Variants in AKAP6 observed in about 807,000 individuals in gnomAD.
AKAP6 encodes the protein A-kinase anchor protein 6.
Under a neutral mutation model 188.5 loss-of-function variants are expected in AKAP6, and 58 were observed. That is an observed-to-expected ratio of 0.31 (90% CI 0.25 to 0.38). AKAP6 has a LOEUF of 0.38. AKAP6 is among the 10% of genes least tolerant of loss of function. The pLI, the probability that AKAP6 is intolerant of heterozygous loss-of-function variation, is 1.00. For missense variants in AKAP6, 2,710 were observed against 2,740.0 expected (o/e 0.99, Z 0.24); for synonymous variants, 989 against 998.6 (o/e 0.99, Z 0.18).
chr14:32,624,362 C>T (rs1358757153), intron 7 of AKAP6, among the ~76,000 whole-genome samples: 1 of 152,030 alleles, frequency 6.6e-6, no homozygotes, highest in Non-Finnish European at 1.5e-5. Flanking sequence ...GACCCATTAA[C>T]AGAAAAGAAA....
At chr14:32,738,360 C>T (rs547270317) in intron 11 of AKAP6, among the ~76,000 whole-genome samples, 2 of 152,134 alleles carry the variant, frequency 1.3e-5, no homozygotes, top group Non-Finnish European at 2.9e-5. Flanking sequence ...AAGGCCACAG[C>T]GCTGGCCTGG....
intron 1 of AKAP6, among the ~76,000 whole-genome samples, chr14:32,385,337 A>G (rs1888495487): frequency 6.6e-6 from 1 of 151,926 alleles, no homozygotes; most frequent in Non-Finnish European, 1.5e-5. Context: ...TTTGAACAGA[A>G]GTTCTGTTTT....
rs572495414 is a variant in AKAP6 at position 32,688,994 on chromosome 14, T to G, written c.2880-6996T>G. ...TTTATGAAATGGTGAACTGCCCAAC[T>G]CACACCAGTGTGCCATTAGGTTTGG... On this transcript the variant is annotated intron_variant, in intron 8 of 13. Transcript: ENST00000280979. Among the ~76,000 whole-genome samples the G allele has an allele frequency of 1.4e-4, 21 of 152,264 alleles. No individual in the cohort carries two copies. The East Asian group carries it at 2.9e-3, about 21-fold the overall frequency.
At chr14:32,613,048 G>A (rs1368717969) in intron 7 of AKAP6, among the ~76,000 whole-genome samples, 1 of 152,224 alleles carries the variant, frequency 6.6e-6, no homozygotes, top group African/African-American at 2.4e-5. Context: ...AGTAAATGAT[G>A]AATGAGGTTT....
chr14:32,617,602 C>T (rs1886633812), intron 7 of AKAP6, among the ~76,000 whole-genome samples: 1 of 152,072 alleles, frequency 6.6e-6, no homozygotes, highest in Non-Finnish European at 1.5e-5. Context: ...AAATCAAAAC[C>T]CTTAAATTAC....
intron 1 of AKAP6, among the ~76,000 whole-genome samples, chr14:32,417,035 T>A (rs1227194009): frequency 6.6e-6 from 1 of 152,066 alleles, no homozygotes; most frequent in Non-Finnish European, 1.5e-5. Context: ...AGAGGTGGAG[T>A]TTGACTGTGT....
Position 32,457,032 on chromosome 14 carries a change from T to G in AKAP6, c.324+23215T>G, listed in dbSNP as rs535625444. Among the ~76,000 whole-genome samples the G allele has an allele frequency of 2.0e-4, 31 of 152,324 alleles. No individual in the cohort carries two copies. In the East Asian group the frequency reaches 4.2e-3, roughly 21 times the overall value. On this transcript the variant is annotated intron_variant, in intron 2 of 13. Transcript: ENST00000280979. ...TTTTTTTATTGCCCTCTGTCTGAAA[T>G]TATATCAAATCCACAAGGTAGCTAG... is the stretch of plus-strand genomic sequence containing the variant.
intron 2 of AKAP6, among the ~76,000 whole-genome samples, chr14:32,491,272 A>AT: frequency 6.6e-6 from 1 of 152,126 alleles, no homozygotes; most frequent in Non-Finnish European, 1.5e-5. Flanking sequence ...AATTACGTCT[A>AT]TTTTATCTCC....
intron 7 of AKAP6, among the ~76,000 whole-genome samples, chr14:32,642,260 C>G (rs985571623): frequency 6.6e-6 from 1 of 152,154 alleles, no homozygotes; most frequent in African/African-American, 2.4e-5. Context: ...TTTTGTGTCA[C>G]TTTAGCAATG....
At chr14:32,437,532 C>T (rs1011431303) in intron 2 of AKAP6, among the ~76,000 whole-genome samples, 1 of 152,104 alleles carries the variant, frequency 6.6e-6, no homozygotes, top group African/African-American at 2.4e-5. Flanking sequence ...ATAAGCCATT[C>T]CTGATCCCTC....
intron 7 of AKAP6, among the ~76,000 whole-genome samples, chr14:32,666,596 T>G (rs775441859): frequency 1.1e-3 from 171 of 152,118 alleles, no homozygotes; most frequent in African/African-American, 3.2e-3. Context: ...TAATATCTAG[T>G]GATTATCCAG....
At chr14:32,421,036 T>C (rs1889832160) in intron 1 of AKAP6, among the ~76,000 whole-genome samples, 1 of 152,148 alleles carries the variant, frequency 6.6e-6, no homozygotes, top group Non-Finnish European at 1.5e-5. Flanking sequence ...TTCTTTCTTA[T>C]GTAAAACAAA....
chr14:32,830,972 C>T lies in AKAP6; in HGVS notation c.*1167C>T, dbSNP rs1222865198. On this transcript the variant is annotated 3_prime_UTR_variant, in exon 14 of 14. Transcript: ENST00000280979. ...ACGTAAAGCCTTCAGTTTTCAAAAT[C>T]TTTCTGGTCACTATAAAGATCTTGG... is the stretch of plus-strand genomic sequence containing the variant. 1 of 152,156 alleles carries T rather than the reference C, an allele frequency of 6.6e-6. No individual in the cohort carries two copies. The highest frequency in any genetic ancestry group is 1.5e-5 in the Non-Finnish European group (1 of 68,020). The allele number at this position is 152,156 out of a possible 1,614,324, so 9.4% of individuals were successfully genotyped here.
intron 7 of AKAP6, among the ~76,000 whole-genome samples, chr14:32,603,844 G>A (rs1886028512): frequency 6.6e-6 from 1 of 152,012 alleles, no homozygotes; most frequent in South Asian, 2.1e-4. Flanking sequence ...GGATACCTAT[G>A]ATATACAATG....
At chr14:32,381,037 G>A (rs1459801134) in intron 1 of AKAP6, among the ~76,000 whole-genome samples, 4 of 151,956 alleles carry the variant, frequency 2.6e-5, no homozygotes, top group East Asian at 1.9e-4. Flanking sequence ...TTAAAGATAC[G>A]TATTAATAGA....
chr14:32,370,365 T>C (rs1261387622), intron 1 of AKAP6, among the ~76,000 whole-genome samples: 4 of 152,218 alleles, frequency 2.6e-5, no homozygotes, highest in Non-Finnish European at 2.9e-5. Context: ...GCTATCGAAT[T>C]GATGGTGTTC....
At chr14:32,810,688 G>C (rs2140113967) in intron 12 of AKAP6, among the ~76,000 whole-genome samples, 1 of 152,270 alleles carries the variant, frequency 6.6e-6, no homozygotes, top group East Asian at 1.9e-4. Flanking sequence ...CGTTTTTATG[G>C]AGGGGACTCA....
At chr14:32,408,437 T>G (rs1360695778) in intron 1 of AKAP6, among the ~76,000 whole-genome samples, 2 of 151,472 alleles carry the variant, frequency 1.3e-5, no homozygotes, top group African/African-American at 2.4e-5. Flanking sequence ...ACAAAAAGGT[T>G]TTCAGTGTTC....
intron 1 of AKAP6, among the ~76,000 whole-genome samples, chr14:32,367,850 T>C (rs1887881206): frequency 6.6e-6 from 1 of 152,174 alleles, no homozygotes; most frequent in Non-Finnish European, 1.5e-5. Context: ...TCTCTGCTAT[T>C]TACTACTAAA....
Sources: gnomAD v4.1 joint callset for allele counts (sites outside exome capture counted in the v4.1 genomes callset) on GRCh38, gnomAD v4.1.1 for gene constraint, MANE v1.5 for transcripts, NCBI Gene and HGNC (gene_info 2026-07-23, HGNC 2026-07-21) for gene names.